FANCC: variants seen among roughly 807,000 people sequenced by gnomAD.
FANCC encodes the protein FA complementation group C.
A neutral mutation model predicts 71.3 loss-of-function variants in FANCC; 55 were observed. That is an observed-to-expected ratio of 0.77 (90% CI 0.62 to 0.97). FANCC has a LOEUF of 0.97. Among genes scored for constraint, FANCC ranks in the 50% least tolerant of loss-of-function variants. The probability of loss-of-function intolerance (pLI) is 0.00; values close to 1 mark genes in which losing one functional copy is unlikely to be tolerated. For synonymous variants in FANCC, 275 were observed against 244.9 expected, an observed-to-expected ratio of 1.12 and a Z score of -1.15; for missense variants, 678 against 670.9, an observed-to-expected ratio of 1.01 and a Z score of -0.12.
At chr9:95,119,711 C>A (rs1258125797) in intron 10 of FANCC, among the ~76,000 whole-genome samples, 1 of 151,594 alleles carries the variant, frequency 6.6e-6, no homozygotes, top group Non-Finnish European at 1.5e-5. Flanking sequence ...AGAAATTTTA[C>A]ATTCCTTTCT....
At chr9:95,108,459 G>A (rs1042059388) in intron 13 of FANCC, among the ~76,000 whole-genome samples, 5 of 152,166 alleles carry the variant, frequency 3.3e-5, no homozygotes, top group East Asian at 1.9e-4. Context: ...ACCCACAACC[G>A]ACTTTCTGCC....
At chr9:95,124,804 G>A (rs1456614688) in intron 10 of FANCC, among the ~76,000 whole-genome samples, 3 of 152,160 alleles carry the variant, frequency 2.0e-5, no homozygotes. Flanking sequence ...CACAACACAG[G>A]GCCAAGAAGA....
intron 9 of FANCC, among the ~76,000 whole-genome samples, chr9:95,126,202 ATT>A (rs1825953446): frequency 6.6e-6 from 1 of 152,202 alleles, no homozygotes; most frequent in African/African-American, 2.4e-5. Flanking sequence ...AAGGGAGTAT[ATT>A]GCTACCCTTT....
At chr9:95,170,914 T>A (rs1825635864) in intron 6 of FANCC, among the ~76,000 whole-genome samples, 165 bp downstream of exon 6, 1 of 152,096 alleles carries the variant, frequency 6.6e-6, no homozygotes, top group Non-Finnish European at 1.5e-5. Context: ...TAAAAGAGTT[T>A]GAAAAAACTC....
In FANCC at chr9:95,284,869, CACACACAT is replaced by C. The variant is rs1429330622; in HGVS notation, c.-79+32649_-79+32656del. On this transcript the variant is annotated intron_variant, in intron 1 of 14. Coordinates refer to ENST00000289081, the MANE Select transcript of FANCC (RefSeq NM_000136.3). ...CTAAGACTCCTCTCTCTCACACACA[CACACACAT>C]ACACACACACACACACACACACACA... 2.1e-4 allele frequency among the ~76,000 whole-genome samples: 22 copies of C among 103,718 alleles called. No individual in the cohort carries two copies. In the East Asian group the frequency reaches 3.2e-3, roughly 15 times the overall value. The allele number at this position is 103,718 out of a possible 152,430, so 68.0% of individuals were successfully genotyped here. A position where few individuals can be genotyped will look rare whatever the true frequency, so the allele number is the denominator to read the frequency against.
intron 4 of FANCC, among the ~76,000 whole-genome samples, chr9:95,237,035 T>C (rs1830356106): frequency 6.6e-6 from 1 of 152,234 alleles, no homozygotes; most frequent in Admixed American, 6.5e-5. Flanking sequence ...ATGTACTGAC[T>C]GATGATGGGC....
intron 4 of FANCC, among the ~76,000 whole-genome samples, chr9:95,239,513 G>A (rs1222944106): frequency 6.6e-6 from 1 of 152,090 alleles, no homozygotes; most frequent in African/African-American, 2.4e-5. Flanking sequence ...AAAATTATAT[G>A]CTAAATATTC....
At chr9:95,276,926 A>G (rs1833074027) in intron 1 of FANCC, among the ~76,000 whole-genome samples, 1 of 152,240 alleles carries the variant, frequency 6.6e-6, no homozygotes, top group Non-Finnish European at 1.5e-5. Flanking sequence ...CGCAAGCTCT[A>G]GTACATTGAA....
chr9:95,161,847 T>C (rs1283914218), intron 6 of FANCC, among the ~76,000 whole-genome samples: 13 of 147,262 alleles, frequency 8.8e-5, no homozygotes, highest in Non-Finnish European at 1.5e-4. Flanking sequence ...CTTTTCTTTT[T>C]TTTTTTTTTT....
intron 11 of FANCC, 72 bp downstream of exon 11, chr9:95,117,243 G>A (rs2072493829): frequency 1.5e-6 from 2 of 1,323,606 alleles, no homozygotes; most frequent in Admixed American, 1.7e-5. Flanking sequence ...AGGGCCTGAT[G>A]AGGAGGTCAT....
At chr9:95,115,051 C>G (rs1274744746) in intron 11 of FANCC, among the ~76,000 whole-genome samples, 1 of 152,206 alleles carries the variant, frequency 6.6e-6, no homozygotes, top group Non-Finnish European at 1.5e-5. Flanking sequence ...AGCGATCTTC[C>G]TACCTCAGCC....
At chr9:95,186,578 G>C (rs1317726971) in intron 4 of FANCC, 2 of 152,242 alleles carry the variant, frequency 1.3e-5, no homozygotes, top group African/African-American at 4.8e-5. Context: ...GGCTGCTACA[G>C]AAACAGTCCA....
intron 6 of FANCC, among the ~76,000 whole-genome samples, chr9:95,153,281 CA>C (rs1830281234): frequency 6.6e-6 from 1 of 151,884 alleles, no homozygotes; most frequent in African/African-American, 2.4e-5. Context: ...CACATCTTTG[CA>C]ATTGTTAACT....
chr9:95,284,960 A>G (rs1833602596), intron 1 of FANCC, among the ~76,000 whole-genome samples: 1 of 152,004 alleles, frequency 6.6e-6, no homozygotes, highest in Admixed American at 6.6e-5. Flanking sequence ...AGAAAAAATA[A>G]ATCTGAGCCA....
intron 4 of FANCC, among the ~76,000 whole-genome samples, chr9:95,233,137 T>C (rs1205308606): frequency 1.3e-5 from 2 of 151,596 alleles, no homozygotes; most frequent in Non-Finnish European, 2.9e-5. Context: ...GGAGGGGAGA[T>C]GGATACTGGA....
chr9:95,255,322 G>T (rs1588366749), intron 1 of FANCC, among the ~76,000 whole-genome samples: 1 of 152,102 alleles, frequency 6.6e-6, no homozygotes, highest in East Asian at 1.9e-4. Context: ...GCTGGCAACT[G>T]GCGGGTGCCC....
At chr9:95,267,962 G>T (rs1315866386) in intron 1 of FANCC, among the ~76,000 whole-genome samples, 1 of 152,182 alleles carries the variant, frequency 6.6e-6, no homozygotes, top group African/African-American at 2.4e-5. Context: ...TGGATCTGCA[G>T]CAGCACAGCT....
At chr9:95,140,672 C>G (rs888301848) in intron 7 of FANCC, among the ~76,000 whole-genome samples, 3 of 152,162 alleles carry the variant, frequency 2.0e-5, no homozygotes, top group African/African-American at 7.2e-5. Context: ...GAGATCAAGG[C>G]TGTTTGGGTT....
chr9:95,110,603 C>T, intron 13 of FANCC: 1 of 1,038,520 alleles, frequency 9.6e-7, no homozygotes, highest in African/African-American at 1.7e-5. Flanking sequence ...CTTTCCTATG[C>T]CATGCAAGCC....
Sources: allele counts gnomAD v4.1 joint callset (sites outside exome capture counted in the v4.1 genomes callset), GRCh38; gene constraint gnomAD v4.1.1; transcripts MANE v1.5; gene names NCBI Gene and HGNC (gene_info 2026-07-23, HGNC 2026-07-21).